The following KCNAB1 variants were observed in gnomAD, a reference collection of about 807,000 sequenced individuals.
The protein encoded by KCNAB1 is voltage-gated potassium channel subunit beta-1.
A neutral mutation model predicts 64.6 loss-of-function variants in KCNAB1; 35 were observed. The ratio of observed to expected loss-of-function variants is 0.54; its 90% CI spans 0.41 to 0.72. KCNAB1 has a LOEUF of 0.72. Ranked by LOEUF, KCNAB1 falls within the 30% of genes least tolerant of loss-of-function variation. KCNAB1 has a pLI of 0.00. For missense variants in KCNAB1, 401 were observed against 512.9 expected, an observed-to-expected ratio of 0.78 and a Z score of 2.11; for synonymous variants, 177 against 183.8, an observed-to-expected ratio of 0.96 and a Z score of 0.30.
intron 8 of KCNAB1, among the ~76,000 whole-genome samples, chr3:156,496,500 A>G (rs188722889): frequency 2.2e-4 from 33 of 152,302 alleles, no homozygotes; most frequent in African/African-American, 7.7e-4. Context: ...AGGCTTCTCC[A>G]GCCATGTGGA....
intron 1 of KCNAB1, among the ~76,000 whole-genome samples, chr3:156,228,861 T>C (rs1716345583): frequency 6.6e-6 from 1 of 152,232 alleles, no homozygotes; most frequent in Non-Finnish European, 1.5e-5. Flanking sequence ...CTTTGTAGGC[T>C]GGTTATTTCC....
At chr3:156,272,329 GATACT>G (rs1719084564) in intron 1 of KCNAB1, among the ~76,000 whole-genome samples, 1 of 152,224 alleles carries the variant, frequency 6.6e-6, no homozygotes, top group Admixed American at 6.5e-5. Flanking sequence ...TGGGTCCAGA[GATACT>G]GTCTAGGAGT....
chr3:156,336,153 A>C (rs1723694645), intron 1 of KCNAB1, among the ~76,000 whole-genome samples: 1 of 152,154 alleles, frequency 6.6e-6, no homozygotes, highest in South Asian at 2.1e-4. Context: ...TGAGGTCAGA[A>C]GTTCGAAACC....
chr3:156,361,102 C>G (rs1184879044), intron 1 of KCNAB1, among the ~76,000 whole-genome samples: 2 of 152,178 alleles, frequency 1.3e-5, no homozygotes, highest in African/African-American at 4.8e-5. Flanking sequence ...CTAACATAGC[C>G]CTACATGCTC....
At chr3:156,420,603 A>T (rs1193450556) in intron 1 of KCNAB1, among the ~76,000 whole-genome samples, 3 of 152,236 alleles carry the variant, frequency 2.0e-5, no homozygotes, top group Non-Finnish European at 4.4e-5. Context: ...GGGAGCAAGA[A>T]GGGAAACTGT....
chr3:156,271,368 C>A (rs1407912851), intron 1 of KCNAB1, among the ~76,000 whole-genome samples: 2 of 151,928 alleles, frequency 1.3e-5, no homozygotes, highest in Non-Finnish European at 2.9e-5. Context: ...GTGTTTTATT[C>A]TTTTTTATTC....
At chr3:156,369,496 C>T (rs1726164875) in intron 1 of KCNAB1, among the ~76,000 whole-genome samples, 1 of 152,216 alleles carries the variant, frequency 6.6e-6, no homozygotes, top group African/African-American at 2.4e-5. Context: ...CTCTCTCCAA[C>T]CCCAGGTGGA....
chr3:156,305,167 T>C (rs1177210564), intron 1 of KCNAB1, among the ~76,000 whole-genome samples: 1 of 152,212 alleles, frequency 6.6e-6, no homozygotes, highest in Non-Finnish European at 1.5e-5. Context: ...AAGTACCAAT[T>C]ACTATCCATT....
chr3:156,199,769 C>G (rs1434824180), intron 1 of KCNAB1, among the ~76,000 whole-genome samples: 1 of 152,194 alleles, frequency 6.6e-6, no homozygotes, highest in Non-Finnish European at 1.5e-5. Flanking sequence ...GAACATGCTC[C>G]TTTAGCTCAG....
intron 1 of KCNAB1, among the ~76,000 whole-genome samples, chr3:156,187,723 T>C (rs1359223270): frequency 6.6e-6 from 1 of 152,214 alleles, no homozygotes; most frequent in Non-Finnish European, 1.5e-5. Context: ...ATCTCTCTTA[T>C]TTCAGTTTTG....
intron 1 of KCNAB1, among the ~76,000 whole-genome samples, chr3:156,123,465 A>G (rs1437096681): frequency 3.3e-5 from 5 of 152,240 alleles, no homozygotes; most frequent in Non-Finnish European, 7.3e-5. Flanking sequence ...GTATTATTAA[A>G]TGATTGGAAG....
At chr3:156,342,694 C>T (rs1396758176) in intron 1 of KCNAB1, among the ~76,000 whole-genome samples, 1 of 143,824 alleles carries the variant, frequency 7.0e-6, no homozygotes. Flanking sequence ...ATGTGCCATG[C>T]TGGTGCGCTG....
At chr3:156,373,891 A>C (rs1002762171) in intron 1 of KCNAB1, among the ~76,000 whole-genome samples, 1 of 152,240 alleles carries the variant, frequency 6.6e-6, no homozygotes, top group African/African-American at 2.4e-5. Flanking sequence ...TGATCCATTC[A>C]GGCCAGGCAA....
At chr3:156,146,258 G>C (rs1210516727) in intron 1 of KCNAB1, among the ~76,000 whole-genome samples, 1 of 150,928 alleles carries the variant, frequency 6.6e-6, no homozygotes, top group Non-Finnish European at 1.5e-5. Flanking sequence ...CCTTCTGTTG[G>C]CTTAGAAATC....
chr3:156,427,420 G>A (rs1289418494), intron 2 of KCNAB1, among the ~76,000 whole-genome samples: 1 of 152,164 alleles, frequency 6.6e-6, no homozygotes, highest in Non-Finnish European at 1.5e-5. Flanking sequence ...TCTGGCTCAT[G>A]GTGTCTGCCT....
intron 8 of KCNAB1, among the ~76,000 whole-genome samples, chr3:156,492,024 A>T (rs1715668922): frequency 1.3e-5 from 2 of 152,198 alleles, no homozygotes; most frequent in African/African-American, 4.8e-5. Flanking sequence ...CTTTTGTTTC[A>T]GGTCTCATAG....
intron 1 of KCNAB1, among the ~76,000 whole-genome samples, chr3:156,173,109 G>A (rs1054374144): frequency 3.3e-5 from 5 of 152,208 alleles, no homozygotes; most frequent in Admixed American, 2.6e-4. Context: ...AAGAAGATCT[G>A]AATGTCGGAT....
intron 2 of KCNAB1, among the ~76,000 whole-genome samples, chr3:156,438,598 C>A (rs913026441): frequency 1.3e-5 from 2 of 152,148 alleles, no homozygotes; most frequent in African/African-American, 4.8e-5. Flanking sequence ...TATATTATCT[C>A]TTTGGAGATA....
chr3:156,527,993 G>T (rs1309553374), intron 12 of KCNAB1, among the ~76,000 whole-genome samples: 1 of 152,140 alleles, frequency 6.6e-6, no homozygotes, highest in African/African-American at 2.4e-5. Context: ...TACCATGGAA[G>T]TAACCAGCTC....
Sources: gnomAD v4.1 joint callset for allele counts (sites outside exome capture counted in the v4.1 genomes callset) on GRCh38, gnomAD v4.1.1 for gene constraint, MANE v1.5 for transcripts, NCBI Gene and HGNC (gene_info 2026-07-23, HGNC 2026-07-21) for gene names.